Variants in PLXNA4 observed in about 807,000 individuals in gnomAD.
PLXNA4 encodes the protein plexin A4, also known as plexin-A4.
Under a neutral mutation model 191.8 loss-of-function variants are expected in PLXNA4, and 44 were observed. The observed-to-expected ratio is 0.23, with a 90% CI of 0.18 to 0.29. The LOEUF is 0.29. Among genes scored for constraint, PLXNA4 ranks in the 10% least tolerant of loss-of-function variants. PLXNA4 has a pLI of 1.00. For synonymous variants in PLXNA4, 1,082 were observed against 1,009.5 expected (o/e 1.07, Z -1.36); for missense variants, 1,800 against 2,488.8 (o/e 0.72, Z 5.89).
chr7:132,226,172 G>A lies in PLXNA4; in HGVS notation c.1971C>T (p.Ser657=), dbSNP rs773172918. 77 of 1,613,594 alleles carry A rather than the reference G, an allele frequency of 4.8e-5. No individual in the cohort carries two copies. In the Admixed American group the frequency reaches 1.2e-3, roughly 25 times the overall value. ...CTGGGGCCACTTACGAATTGTGGAC[G>A]CTGCAATTGTAGAAGACAAAGCTGG... ...ASTSFVFYNC[S]VHNSCLSCVE... is the part of the protein sequence containing the mutation. Residue 657 remains serine, a synonymous_variant, in exon 8 of 32, where the codon AGC becomes AGT. Transcript: ENST00000321063.
chr7:132,265,069 A>G (rs948895163), intron 4 of PLXNA4, among the ~76,000 whole-genome samples: 6 of 152,200 alleles, frequency 3.9e-5, no homozygotes, highest in African/African-American at 1.2e-4. Context: ...ACAACGACAA[A>G]TGCAACAAGC....
intron 2 of PLXNA4, among the ~76,000 whole-genome samples, chr7:132,607,868 T>A (rs1802959727): frequency 6.6e-6 from 1 of 150,806 alleles, no homozygotes; most frequent in Non-Finnish European, 1.5e-5. Flanking sequence ...CCCATCATCC[T>A]CATCACTATC....
intron 2 of PLXNA4, among the ~76,000 whole-genome samples, chr7:132,498,160 C>T (rs191122761): frequency 2.0e-5 from 3 of 152,232 alleles, no homozygotes; most frequent in Admixed American, 2.0e-4. Flanking sequence ...ACAATGTTCA[C>T]ATAATTTTTA....
In PLXNA4 at chr7:132,181,543, G is replaced by A; in HGVS notation, c.3330C>T (p.Asp1110=). The change falls in exon 18 of 32, where the codon GAC becomes GAT. Residue 1110 remains aspartate (D), a synonymous_variant. Coordinates refer to ENST00000321063, the MANE Select transcript of PLXNA4 (RefSeq NM_020911.2). ...CAAACTCCTCGGGCCTCTCGGTCAGGTCTGACTGGTGGTCAGGACCCAGAG... is the reference window on the plus strand; with the variant it reads ...CAAACTCCTCGGGCCTCTCGGTCAGATCTGACTGGTGGTCAGGACCCAGAG... ...ALALGPDHQS[D]LTERPEEFGF... is the part of the protein sequence containing the mutation. 6.2e-7 allele frequency: 1 copy of A among 1,614,164 alleles called. No individual in the cohort carries two copies. Among genetic ancestry groups the A allele is most frequent in the South Asian group, 1.1e-5 (1 of 91,082 alleles).
intron 1 of PLXNA4, among the ~76,000 whole-genome samples, chr7:132,532,473 G>A (rs1799656884): frequency 6.6e-6 from 1 of 152,190 alleles, no homozygotes; most frequent in Non-Finnish European, 1.5e-5. Context: ...GAAATCAGTT[G>A]CCTCTTATGT....
At chr7:132,529,544 A>C (rs1405043305) in intron 1 of PLXNA4, among the ~76,000 whole-genome samples, 3 of 152,026 alleles carry the variant, frequency 2.0e-5, no homozygotes, top group African/African-American at 7.3e-5. Flanking sequence ...ACCCCCAGTA[A>C]CTCTGGTCTA....
At chr7:132,537,591 C>G (rs958358680) in intron 1 of PLXNA4, among the ~76,000 whole-genome samples, 12 of 152,132 alleles carry the variant, frequency 7.9e-5, no homozygotes, top group Non-Finnish European at 1.3e-4. Flanking sequence ...CAGGGTGTCT[C>G]GGGACTGAGG....
At chr7:132,307,741 C>A (rs1801582798) in intron 3 of PLXNA4, among the ~76,000 whole-genome samples, 1 of 152,174 alleles carries the variant, frequency 6.6e-6, no homozygotes, top group Non-Finnish European at 1.5e-5. Flanking sequence ...TGGGCGTAAA[C>A]CCTGCTTCTG....
At chr7:132,148,222 A>C (rs1314049840) in intron 26 of PLXNA4, among the ~76,000 whole-genome samples, 3 of 152,100 alleles carry the variant, frequency 2.0e-5, no homozygotes. Context: ...TTCTGGCAAG[A>C]GCTCCTCCCT....
At chr7:132,305,106 G>A (rs2116543431) in intron 3 of PLXNA4, among the ~76,000 whole-genome samples, 1 of 152,310 alleles carries the variant, frequency 6.6e-6, no homozygotes, top group Admixed American at 6.5e-5. Flanking sequence ...GGGATTCTTG[G>A]AGACTCTTAC....
intron 3 of PLXNA4, among the ~76,000 whole-genome samples, chr7:132,480,979 A>G (rs1797310424): frequency 6.6e-6 from 1 of 152,174 alleles, no homozygotes; most frequent in South Asian, 2.1e-4. Context: ...CAGGGACCTG[A>G]GTCCTCAGCA....
chr7:132,464,690 C>T (rs1796634898), intron 3 of PLXNA4, among the ~76,000 whole-genome samples: 1 of 152,192 alleles, frequency 6.6e-6, no homozygotes, highest in East Asian at 1.9e-4. Flanking sequence ...GCAGGTGGCA[C>T]TTGCCAATAC....
intron 2 of PLXNA4, 53 bp from the exon 3 acceptor site, chr7:132,489,527 G>A: frequency 7.1e-7 from 1 of 1,411,964 alleles, no homozygotes; most frequent in Non-Finnish European, 9.6e-7. Context: ...GAAATTGGCA[G>A]AGATATTAAG....
chr7:132,593,998 A>G lies in PLXNA4; in HGVS notation c.-87+51930T>C, dbSNP rs2116830388. 1.3e-5 allele frequency among the ~76,000 whole-genome samples: 2 copies of G among 152,360 alleles called. 1 individual carries two copies. Among genetic ancestry groups the G allele is most frequent in the African/African-American group, 4.8e-5 (2 of 41,588 alleles). On this transcript the variant is annotated intron_variant, in intron 2 of 4. Coordinates refer to the PLXNA4 transcript ENST00000378539. Reference sequence around the variant, plus strand: ...TGAACCAAGAGACCCAGACCCAGGCATGGGGCCATGACCAGGCAAGGCTAC... The same window carrying G: ...TGAACCAAGAGACCCAGACCCAGGCGTGGGGCCATGACCAGGCAAGGCTAC...
intron 31 of PLXNA4, among the ~76,000 whole-genome samples, chr7:132,132,347 C>A (rs1794952704): frequency 6.7e-6 from 1 of 149,910 alleles, no homozygotes; most frequent in African/African-American, 2.5e-5. Context: ...TGGGATTTTC[C>A]AGTGAGGGAA....
intron 16 of PLXNA4, among the ~76,000 whole-genome samples, chr7:132,185,019 A>G (rs901499477): frequency 7.2e-5 from 11 of 152,178 alleles, no homozygotes; most frequent in Non-Finnish European, 1.2e-4. Flanking sequence ...TCACTGCAGC[A>G]TAGGGACATG....
chr7:132,125,540 C>G lies in PLXNA4; in HGVS notation c.*4939G>C, dbSNP rs142512857. On this transcript the variant is annotated 3_prime_UTR_variant, in exon 32 of 32. Transcript: ENST00000321063. ...CATAGCAGGGCTCCCTTCTTACTTT[C>G]GAACTATTAAGATATACAAACAAAA... 1 of 152,102 alleles carries G rather than the reference C, an allele frequency of 6.6e-6. No homozygotes were observed. 9.4% of individuals were successfully genotyped at this position (152,102 alleles called of 1,614,324 possible).
intron 3 of PLXNA4, among the ~76,000 whole-genome samples, chr7:132,458,056 A>G (rs1796372776): frequency 6.6e-6 from 1 of 152,208 alleles, no homozygotes; most frequent in Non-Finnish European, 1.5e-5. Flanking sequence ...ATAGGAAACC[A>G]ACACATCGTG....
In PLXNA4 at chr7:132,210,984, G is replaced by A. The variant is rs544399380; in HGVS notation, c.2257C>T (p.Leu753=). The change falls in exon 10 of 32, where the codon CTG becomes TTG. Residue 753 remains leucine (L), a synonymous_variant. Transcript: ENST00000321063. Reference sequence around the variant, plus strand: ...TGTACGCTGGAGCTGTTGAAGCGCAGGGCGGGCACTCGCTGCTCGCTGCCC... The same window carrying A: ...TGTACGCTGGAGCTGTTGAAGCGCAAGGCGGGCACTCGCTGCTCGCTGCCC... ...IQGSEQRVPA[L]RFNSSSVQCQ... The A allele has an allele frequency of 5.2e-5, 84 of 1,613,512 alleles. No individual in the cohort carries two copies. In the East Asian group the frequency reaches 6.0e-4, roughly 12 times the overall value.
Sources: allele counts gnomAD v4.1 joint callset (sites outside exome capture counted in the v4.1 genomes callset), GRCh38; gene constraint gnomAD v4.1.1; transcripts MANE v1.5; gene names NCBI Gene and HGNC (gene_info 2026-07-23, HGNC 2026-07-21).